The following ESPN variants were observed in gnomAD, a reference collection of about 807,000 sequenced individuals.
ESPN encodes the protein espin.
Under a neutral mutation model 77.7 loss-of-function variants are expected in ESPN, and 68 were observed. The observed-to-expected ratio is 0.87, with a 90% confidence interval of 0.72 to 1.07. The LOEUF (loss-of-function observed/expected upper bound fraction) is 1.07. Among genes scored for constraint, ESPN ranks in the 50% least tolerant of loss-of-function variants. The pLI, the probability that ESPN is intolerant of heterozygous loss-of-function variation, is 0.00. For missense variants in ESPN, 1,060 were observed against 1,239.0 expected (o/e 0.86, Z 2.17); for synonymous variants, 449 against 567.1 (o/e 0.79, Z 2.96).
At chr1:6,445,331 G>A (rs1569682597) in intron 6 of ESPN, among the ~76,000 whole-genome samples, 1 of 152,262 alleles carries the variant, frequency 6.6e-6, no homozygotes, top group Admixed American at 6.5e-5. Context: ...ACCTGGCAGG[G>A]GTGCCCTGCA....
Position 6,440,621 on chromosome 1 carries a change from C to T in ESPN, c.676-5C>T. ...CGCCCCCCTCTCCCCGCCCGTCCCG[C>T]CCAGGTGAGCTGCACCGACGTGAGC... On this transcript the variant is annotated splice_region_variant and splice_polypyrimidine_tract_variant and intron_variant, in intron 3 of 12. Coordinates refer to ENST00000645284, the MANE Select transcript of ESPN (RefSeq NM_031475.3). 2 of 1,508,542 alleles carry T rather than the reference C, an allele frequency of 1.3e-6. No individual in the cohort carries two copies. The highest frequency in any genetic ancestry group is 1.8e-6 in the Non-Finnish European group (2 of 1,134,018). 93.4% of individuals were successfully genotyped at this position (1,508,542 alleles called of 1,614,324 possible).
At chr1:6,455,487 C>G (rs1040058122) in intron 10 of ESPN, 1 of 397,536 alleles carries the variant, frequency 2.5e-6, no homozygotes, top group Non-Finnish European at 4.4e-6. Flanking sequence ...GCTGAGGCAG[C>G]GGCAGGCGGT....
intron 2 of ESPN, among the ~76,000 whole-genome samples, chr1:6,438,626 A>G (rs909516915): frequency 1.4e-4 from 22 of 152,240 alleles, no homozygotes; most frequent in African/African-American, 5.3e-4. Context: ...GGGTGTTCAA[A>G]TGCCACTTAC....
chr1:6,430,842 TG>T (rs1181776305), intron 2 of ESPN, among the ~76,000 whole-genome samples: 1 of 151,534 alleles, frequency 6.6e-6, no homozygotes, highest in Non-Finnish European at 1.5e-5. Context: ...GGAGCCGGGC[TG>T]GGCAAGTCCC....
chr1:6,432,777 A>G (rs1643296578), intron 2 of ESPN, among the ~76,000 whole-genome samples: 1 of 152,240 alleles, frequency 6.6e-6, no homozygotes, highest in African/African-American at 2.4e-5. Flanking sequence ...AGTCCCCAGT[A>G]AGCCTGAAAG....
intron 3 of ESPN, 40 bp downstream of exon 3, chr1:6,440,480 C>G (rs2148518312): frequency 6.9e-7 from 1 of 1,450,130 alleles, no homozygotes; most frequent in African/African-American, 1.5e-5. Flanking sequence ...GGAGGCGGGG[C>G]GGAGCCGGCA....
rs1203568115 is a variant in ESPN at position 6,451,673 on chromosome 1, C to T, written c.1986C>T (p.Gly662=). 1 of 1,613,200 alleles carries T rather than the reference C, an allele frequency of 6.2e-7. No homozygotes were observed. The highest frequency in any genetic ancestry group is 1.7e-5 in the Admixed American group (1 of 59,974). The change falls in exon 9 of 13, where the codon GGC becomes GGT. Residue 662 remains glycine (G), a synonymous_variant. Coordinates refer to ENST00000645284, the MANE Select transcript of ESPN (RefSeq NM_031475.3). The surrounding 1 kb of genome is among the most constrained non-coding windows in gnomAD (Gnocchi z 4.3). ...NSELLAEIKA[G]KSLKPTPQSK... ...AGCTACTGGCTGAGATTAAGGCAGG[C>T]AAGAGCCTGAAGCCGACGCCCCAGA...
chr1:6,451,311 A>C lies in ESPN; in HGVS notation c.1916-292A>C. ...CTGGGCAGTCAGTGGCTGGGCGGGG[A>C]CATATGCCCAAGAGCCACCATGAAC... On this transcript the variant is annotated intron_variant, in intron 8 of 12. Coordinates refer to ENST00000645284, the MANE Select transcript of ESPN (RefSeq NM_031475.3). The surrounding 1 kb of genome is among the most constrained non-coding windows in gnomAD (Gnocchi z 4.3). 2.0e-6 allele frequency: 1 copy of C among 504,064 alleles called. No individual in the cohort carries two copies. Among genetic ancestry groups the C allele is most frequent in the Non-Finnish European group, 3.6e-6 (1 of 275,878 alleles). 31.2% of individuals were successfully genotyped at this position (504,064 alleles called of 1,614,324 possible).
rs1394303956 is a variant in ESPN, at chr1:6,451,341, A to C, written c.1916-262A>C. On this transcript the variant is annotated intron_variant, in intron 8 of 12. Coordinates refer to ENST00000645284, the MANE Select transcript of ESPN (RefSeq NM_031475.3). The surrounding 1 kb of genome is among the most constrained non-coding windows in gnomAD (Gnocchi z 4.3). ...TGCCCAAGAGCCACCATGAACTCCC[A>C]GGGGCCTCCAGGCAGGGGCCCTCCA... 3.6e-6 allele frequency: 2 copies of C among 556,210 alleles called. No homozygotes were observed. Among genetic ancestry groups the C allele is most frequent in the African/African-American group, 3.8e-5 (2 of 52,886 alleles). 34.5% of individuals were successfully genotyped at this position (556,210 alleles called of 1,614,324 possible). A position where few individuals can be genotyped will look rare whatever the true frequency, so the allele number is the denominator to read the frequency against.
rs936402775 is a variant in ESPN, at chr1:6,445,688, A to G, written c.1217A>G (p.Asp406Gly). Residue 406 changes from aspartate to glycine, a missense_variant, in exon 7 of 13, where the codon GAC becomes GGC. Asp to Gly is a moderately conservative substitution (Grantham distance 94, BLOSUM62 -1). This residue lies in a region of ESPN where 556 missense variants were observed against 633.6 expected (regional missense o/e 0.88). Transcript: ENST00000645284. ...GGGCTTTCCAGCGCTAGAGCTGCAGACATACAGAGCTACATGGACATGCTG... is the reference window on the plus strand; with the variant it reads ...GGGCTTTCCAGCGCTAGAGCTGCAGGCATACAGAGCTACATGGACATGCTG... Reference protein sequence around the residue: ...PCGLSSARAADIQSYMDMLNP... With the variant: ...PCGLSSARAAGIQSYMDMLNP... The G allele has an allele frequency of 1.9e-6, 3 of 1,612,586 alleles. No homozygotes were observed. The highest frequency in any genetic ancestry group is 8.5e-7 in the Non-Finnish European group (1 of 1,179,934).
At chr1:6,458,817 G>C (rs992922989) in intron 12 of ESPN, among the ~76,000 whole-genome samples, 3 of 151,234 alleles carry the variant, frequency 2.0e-5, no homozygotes, top group African/African-American at 7.3e-5. Flanking sequence ...TGTAATCCCA[G>C]CTACTCGGGA....
Position 6,448,821 on chromosome 1 carries a change from G to T in ESPN, c.1645G>T (p.Ala549Ser). ...HSEEVRARQP[A>S]RAGCPRLGPA... ...CGAGGAGGTGCGTGCCCGCCAGCCC[G>T]CGCGCGCCGGCTGCCCGCGCCTCGG... is the stretch of plus-strand genomic sequence containing the variant. The change falls in exon 8 of 13, where the codon GCG (alanine) becomes TCG (serine). Residue 549 changes from alanine to serine, a missense_variant. Transcript: ENST00000645284. 1.6e-6 allele frequency: 2 copies of T among 1,240,904 alleles called. No homozygotes were observed. The highest frequency in any genetic ancestry group is 2.0e-6 in the Non-Finnish European group (2 of 996,410). 76.9% of individuals were successfully genotyped at this position (1,240,904 alleles called of 1,614,324 possible). A position where few individuals can be genotyped will look rare whatever the true frequency, so the allele number is the denominator to read the frequency against.
intron 2 of ESPN, among the ~76,000 whole-genome samples, chr1:6,433,403 T>C (rs7516993): frequency 0.36 from 54,202 of 151,328 alleles, 14,543 homozygotes; most frequent in African/African-American, 0.76. Flanking sequence ...AAGATCGTGC[T>C]GCTGCACTCC....
intron 5 of ESPN, among the ~76,000 whole-genome samples, chr1:6,442,571 T>TAAA (rs869219412): frequency 5.1e-5 from 4 of 77,940 alleles, no homozygotes; most frequent in African/African-American, 1.9e-4. Context: ...AGACTCCTTC[T>TAAA]AAAAAAAAAA....
At chr1:6,426,996 G>T (rs1163299105) in intron 1 of ESPN, among the ~76,000 whole-genome samples, 1 of 151,996 alleles carries the variant, frequency 6.6e-6, no homozygotes, top group African/African-American at 2.4e-5. Context: ...GACCCTACTA[G>T]TGGCCCCGGC....
intron 7 of ESPN, 136 bp from the exon 8 acceptor site, chr1:6,448,505 G>T: frequency 1.5e-6 from 1 of 687,104 alleles, no homozygotes; most frequent in South Asian, 1.9e-5. Flanking sequence ...GAACCAGGGG[G>T]TCTAGGAAGT....
intron 2 of ESPN, among the ~76,000 whole-genome samples, chr1:6,429,507 A>G (rs2148504480): frequency 6.6e-6 from 1 of 152,196 alleles, no homozygotes; most frequent in African/African-American, 2.4e-5. Flanking sequence ...CACCTGGGAC[A>G]TGTCCCCACC....
chr1:6,444,159 A>T (rs1031622556), intron 5 of ESPN, among the ~76,000 whole-genome samples: 1 of 152,146 alleles, frequency 6.6e-6, no homozygotes, highest in African/African-American at 2.4e-5. Flanking sequence ...TCCGTGAGGG[A>T]GAAGGCCGAT....
chr1:6,457,412 C>A, intron 12 of ESPN, 40 bp downstream of exon 12: 2 of 1,614,134 alleles, frequency 1.2e-6, no homozygotes, highest in Non-Finnish European at 8.5e-7. Flanking sequence ...CCCTTATCCC[C>A]ACCCAAGTCG....
Sources: allele counts gnomAD v4.1 joint callset (sites outside exome capture counted in the v4.1 genomes callset), GRCh38; gene constraint gnomAD v4.1.1; regional missense constraint gnomAD v4.1.1; non-coding constraint Gnocchi (gnomAD v3.1); transcripts MANE v1.5; gene names NCBI Gene and HGNC (gene_info 2026-07-23, HGNC 2026-07-21).